Variants in CCDC191 observed in about 807,000 individuals in gnomAD.
CCDC191 encodes coiled-coil domain-containing protein 191.
CCDC191 carries 99 observed loss-of-function variants against 114.0 expected under a neutral mutation model. That is an observed-to-expected ratio of 0.87 (90% CI 0.74 to 1.03). The LOEUF (loss-of-function observed/expected upper bound fraction) is 1.03. Ranked by LOEUF, CCDC191 falls within the 50% of genes least tolerant of loss-of-function variation. The pLI is 0.00. For synonymous variants in CCDC191, 351 were observed against 376.0 expected, an observed-to-expected ratio of 0.93 and a Z score of 0.77; for missense variants, 973 against 1,087.0, an observed-to-expected ratio of 0.90 and a Z score of 1.47.
chr3:113,999,372 A>C (rs962399786), intron 13 of CCDC191, among the ~76,000 whole-genome samples: 2 of 152,062 alleles, frequency 1.3e-5, no homozygotes, highest in African/African-American at 4.8e-5. Flanking sequence ...CAAAGAAGGG[A>C]GTTATGAGGC....
In CCDC191 at chr3:114,042,863, A is replaced by C. The variant is rs2076581978; in HGVS notation, c.272-17T>G. On this transcript the variant is annotated splice_polypyrimidine_tract_variant and intron_variant, in intron 3 of 16. Transcript: ENST00000295878. ...GCTCCTGAGCTACAATAAAACAAAA[A>C]CATGTTAAGTATTTCAGTTACTTCA... 6.3e-7 allele frequency: 1 copy of C among 1,579,892 alleles called. No homozygotes were observed. Among genetic ancestry groups the C allele is most frequent in the African/African-American group, 1.4e-5 (1 of 72,668 alleles).
At chr3:113,990,103 A>G (rs1381454666) in intron 13 of CCDC191, among the ~76,000 whole-genome samples, 2 of 152,212 alleles carry the variant, frequency 1.3e-5, no homozygotes, top group East Asian at 3.8e-4. Flanking sequence ...TAAAAATTAA[A>G]GCAGAAATCA....
Position 114,011,064 on chromosome 3 carries a change from C to T in CCDC191, c.1164-43G>A, listed in dbSNP as rs183690554. On this transcript the variant is annotated intron_variant, in intron 8 of 16. Coordinates refer to ENST00000295878, the MANE Select transcript of CCDC191 (RefSeq NM_020817.2). ...TCCATTAAAATAAAGAAGCCATTTACAGTTTGTTAATTGATAATATAAATG... is the reference window on the plus strand; with the variant it reads ...TCCATTAAAATAAAGAAGCCATTTATAGTTTGTTAATTGATAATATAAATG... The T allele has an allele frequency of 1.8e-3, 2,756 of 1,565,718 alleles. 97 individuals carry two copies. In the Admixed American group the frequency reaches 0.049, roughly 28 times the overall value.
intron 4 of CCDC191, among the ~76,000 whole-genome samples, chr3:114,040,094 T>C (rs1021376401): frequency 5.3e-5 from 8 of 152,218 alleles, no homozygotes; most frequent in African/African-American, 1.2e-4. Context: ...ATACTGCATA[T>C]GTACTGTACC....
chr3:114,000,013 C>A (rs1445288588), intron 13 of CCDC191, among the ~76,000 whole-genome samples: 4 of 152,132 alleles, frequency 2.6e-5, no homozygotes, highest in Admixed American at 1.3e-4. Context: ...TCTTTATTTG[C>A]AGATTAACTA....
Position 114,042,823 on chromosome 3 carries a change from A to C in CCDC191, c.295T>G (p.Leu99Val). ...AEAQELVNDW[L>V]DTKLKQELAS... ...AATTCTTGCTTAAGTTTGGTGTCTAACCAGTCATTGACCAGCTCCTGAGCT... is the reference window on the plus strand; with the variant it reads ...AATTCTTGCTTAAGTTTGGTGTCTACCCAGTCATTGACCAGCTCCTGAGCT... The change falls in exon 4 of 17, where the codon TTA (leucine) becomes GTA (valine). Residue 99 changes from leucine to valine, a missense_variant. Leu to Val is a conservative substitution (Grantham distance 32). Coordinates refer to ENST00000295878, the MANE Select transcript of CCDC191 (RefSeq NM_020817.2). The C allele has an allele frequency of 6.2e-7, 1 of 1,603,058 alleles. No individual in the cohort carries two copies. The highest frequency in any genetic ancestry group is 8.5e-7 in the Non-Finnish European group (1 of 1,176,398).
At chr3:113,976,142 C>A (rs1941319525) in intron 16 of CCDC191, among the ~76,000 whole-genome samples, 1 of 151,998 alleles carries the variant, frequency 6.6e-6, no homozygotes, top group Non-Finnish European at 1.5e-5. Flanking sequence ...GCCGTTAATC[C>A]CAGCTACTTG....
At chr3:113,982,276 T>A (rs1408664522) in intron 13 of CCDC191, among the ~76,000 whole-genome samples, 2 of 152,190 alleles carry the variant, frequency 1.3e-5, no homozygotes, top group African/African-American at 4.8e-5. Context: ...AAACATGAGT[T>A]CTGCTTGAGT....
chr3:114,001,965 A>G (rs115452333), intron 12 of CCDC191, among the ~76,000 whole-genome samples: 3 of 152,202 alleles, frequency 2.0e-5, no homozygotes, highest in Admixed American at 6.5e-5. Flanking sequence ...ATTACTTTTT[A>G]GTTCTTACTG....
At chr3:113,988,262 G>C (rs1295483787) in intron 13 of CCDC191, among the ~76,000 whole-genome samples, 1 of 150,672 alleles carries the variant, frequency 6.6e-6, no homozygotes, top group African/African-American at 2.4e-5. Flanking sequence ...TTGGGAGGCT[G>C]AGGCAGGTGG....
Position 114,007,362 on chromosome 3 carries a change from C to G in CCDC191, c.1414-1400G>C, listed in dbSNP as rs551651234. On this transcript the variant is annotated intron_variant, in intron 9 of 16. Transcript: ENST00000295878. ...CTTAGGGACTCAAAAATATTTTTCA[C>G]GATTATAGAAATGCTTTCCATAGAC... 6.0e-4 allele frequency among the ~76,000 whole-genome samples: 92 copies of G among 152,176 alleles called. 1 individual carries two copies. Among genetic ancestry groups the G allele is most frequent in the South Asian group, 1.5e-3 (7 of 4,818 alleles).
At position 114,005,716 on chromosome 3, in the gene CCDC191, T is replaced by C; in HGVS notation, c.1660A>G (p.Asn554Asp). 6.2e-7 allele frequency: 1 copy of C among 1,614,132 alleles called. No homozygotes were observed. Among genetic ancestry groups the C allele is most frequent in the Non-Finnish European group, 8.5e-7 (1 of 1,179,992 alleles). The change falls in exon 10 of 17, where the codon AAC becomes GAC. Residue 554 changes from asparagine (N) to aspartate (D), a missense_variant. Asn to Asp is a conservative substitution (Grantham distance 23). Transcript: ENST00000295878. Reference sequence around the variant, plus strand: ...AGCTGTTGCTGGAAGACATGGCGGTTGTGGAAATGACCCAAGCAAAGCGGT... The same window carrying C: ...AGCTGTTGCTGGAAGACATGGCGGTCGTGGAAATGACCCAAGCAAAGCGGT... ...AEPLCLGHFH[N>D]RHVFQQQLIE...
chr3:113,968,231 A>G (rs1420122216), intron 16 of CCDC191, among the ~76,000 whole-genome samples: 1 of 152,160 alleles, frequency 6.6e-6, no homozygotes, highest in Non-Finnish European at 1.5e-5. Flanking sequence ...TAATGGCTGT[A>G]CTAATTTACA....
chr3:113,976,854 A>G (rs2107596959), intron 16 of CCDC191, among the ~76,000 whole-genome samples: 1 of 152,268 alleles, frequency 6.6e-6, no homozygotes, highest in East Asian at 1.9e-4. Context: ...CTCTAAAGCT[A>G]AATCATTTAT....
At chr3:113,980,407 C>T (rs997645317) in intron 14 of CCDC191, among the ~76,000 whole-genome samples, 1 of 152,134 alleles carries the variant, frequency 6.6e-6, no homozygotes, top group Non-Finnish European at 1.5e-5. Flanking sequence ...TTCATCTTAC[C>T]TTGGGGGGAT....
At chr3:113,978,554 T>C (rs2075019752) in intron 15 of CCDC191, 2 of 597,204 alleles carry the variant, frequency 3.3e-6, no homozygotes, top group Non-Finnish European at 5.8e-6. Flanking sequence ...ATTGAAGGGG[T>C]AAGTTTCTAA....
intron 7 of CCDC191, among the ~76,000 whole-genome samples, chr3:114,029,341 T>G (rs965214145): frequency 5.9e-5 from 9 of 152,034 alleles, no homozygotes; most frequent in Admixed American, 3.9e-4. Flanking sequence ...TAAATATCAA[T>G]GAGCTCATAC....
chr3:113,965,697 C>A (rs747550266), intron 16 of CCDC191, among the ~76,000 whole-genome samples: 1 of 152,160 alleles, frequency 6.6e-6, no homozygotes. Flanking sequence ...TCAAATGATT[C>A]TTGTGCCTCA....
chr3:113,978,965 G>A lies in CCDC191; in HGVS notation c.2353C>T (p.Leu785=). The change falls in exon 15 of 17, where the codon CTG becomes TTG. Residue 785 remains leucine (L), a synonymous_variant. Transcript: ENST00000295878. The part of the protein sequence containing the change: ...YSLFLQRKYM[L]TWFQRSQESL... ...TCCTGACTACGCTGGAACCACGTCA[G>A]CATGTATTTCCTCTGCAGGAACAAA... 3 of 1,614,010 alleles carry A rather than the reference G, an allele frequency of 1.9e-6. No homozygotes were observed. Among genetic ancestry groups the A allele is most frequent in the Non-Finnish European group, 2.5e-6 (3 of 1,179,944 alleles).
Sources: gnomAD v4.1 joint callset for allele counts (sites outside exome capture counted in the v4.1 genomes callset) on GRCh38, gnomAD v4.1.1 for gene constraint, MANE v1.5 for transcripts, NCBI Gene and HGNC (gene_info 2026-07-23, HGNC 2026-07-21) for gene names.